Variants in FOXP1 observed in about 807,000 individuals in gnomAD.
The protein encoded by FOXP1 is forkhead box protein P1.
FOXP1 carries 15 observed loss-of-function variants against 98.2 expected under a neutral mutation model. The observed-to-expected ratio is 0.15, with a 90% confidence interval of 0.10 to 0.24. FOXP1 has a LOEUF of 0.24. Ranked by LOEUF, FOXP1 falls within the 10% of genes least tolerant of loss-of-function variation. The pLI is 1.00. For missense variants in FOXP1, 633 were observed against 848.5 expected (o/e 0.75, Z 3.15); for synonymous variants, 371 against 314.5 (o/e 1.18, Z -1.90).
rs538830140 is a variant in FOXP1 at position 71,422,622 on chromosome 3, A to C, written c.-167-63378T>G. ...TTCAAATGAATCTGAAGTGTGGGGA[A>C]ATAATCGAAAAGAAAGCCAAAAAGA... is the stretch of plus-strand genomic sequence containing the variant. On this transcript the variant is annotated intron_variant, in intron 3 of 20. Coordinates refer to ENST00000649528, the MANE Select transcript of FOXP1 (RefSeq NM_001349338.3). 2.0e-5 allele frequency among the ~76,000 whole-genome samples: 3 copies of C among 152,350 alleles called. No individual in the cohort carries two copies. The South Asian group carries it at 6.2e-4, about 32-fold the overall frequency.
rs1436721956 is a variant in FOXP1 at position 71,115,005 on chromosome 3, T to A, written c.181-2368A>T. 2.0e-5 allele frequency among the ~76,000 whole-genome samples: 3 copies of A among 152,224 alleles called. No individual in the cohort carries two copies. In the South Asian group the frequency reaches 6.2e-4, roughly 32 times the overall value. ...CCTACTATATATGTTCCCTTAGCTA[T>A]TGCACATGAAGGTTTTATGGCTTTT... On this transcript the variant is annotated intron_variant, in intron 6 of 20. Transcript: ENST00000649528.
chr3:70,977,036 G>A lies in FOXP1; in HGVS notation c.1435C>T (p.Leu479Phe). Residue 479 changes from leucine (L) to phenylalanine (F), a missense_variant, in exon 17 of 21, where the codon CTC (leucine) becomes TTC (phenylalanine). Coordinates refer to ENST00000649528, the MANE Select transcript of FOXP1 (RefSeq NM_001349338.3). The part of the protein sequence containing the change: ...TYASLIRQAI[L>F]ESPEKQLTLN... ...GTTAGCTGCTTTTCTGGAGATTCGA[G>A]AATGGCCTGTGAAGCAGAATGTAAC... 6.2e-7 allele frequency: 1 copy of A among 1,610,138 alleles called. No individual in the cohort carries two copies.
chr3:70,961,451 G>T (rs1274182208), intron 20 of FOXP1, among the ~76,000 whole-genome samples: 1 of 151,212 alleles, frequency 6.6e-6, no homozygotes, highest in Admixed American at 6.6e-5. Flanking sequence ...GGCTGGTCTT[G>T]AACTCCTGAC....
chr3:71,249,002 G>A (rs888672775), intron 5 of FOXP1, among the ~76,000 whole-genome samples: 1 of 152,158 alleles, frequency 6.6e-6, no homozygotes, highest in African/African-American at 2.4e-5. Context: ...AAACTTCCCA[G>A]CCCCAGCACT....
chr3:71,117,546 A>G (rs2058461472), intron 6 of FOXP1, among the ~76,000 whole-genome samples: 1 of 152,146 alleles, frequency 6.6e-6, no homozygotes, highest in African/African-American at 2.4e-5. Context: ...GTTTGTGTGT[A>G]TGGGAGAGGG....
At chr3:71,480,966 G>A (rs2090226374) in intron 3 of FOXP1, among the ~76,000 whole-genome samples, 1 of 152,192 alleles carries the variant, frequency 6.6e-6, no homozygotes, top group Non-Finnish European at 1.5e-5. Flanking sequence ...CAAGGTATAA[G>A]GAAGGGCAGG....
intron 5 of FOXP1, among the ~76,000 whole-genome samples, chr3:71,252,714 T>C (rs144392381): frequency 6.6e-6 from 1 of 152,150 alleles, no homozygotes; most frequent in Non-Finnish European, 1.5e-5. Context: ...CAGAAGTGGA[T>C]GGAAGTGAAA....
chr3:71,243,189 T>C (rs1385279623), intron 5 of FOXP1, among the ~76,000 whole-genome samples: 2 of 152,360 alleles, frequency 1.3e-5, no homozygotes, highest in Admixed American at 1.3e-4. Flanking sequence ...CTCGATCCTG[T>C]TTGGACTCAG....
rs188203704 is a variant in FOXP1, at chr3:71,101,839, C to T, written c.282+10697G>A. Among the ~76,000 whole-genome samples the T allele has an allele frequency of 1.5e-4, 23 of 152,214 alleles. No homozygotes were observed. In the East Asian group the frequency reaches 3.1e-3, roughly 21 times the overall value. On this transcript the variant is annotated intron_variant, in intron 7 of 20. Transcript: ENST00000649528. ...TAAACTCCACATTTACCATGAACAC[C>T]GCTAAACGTTGAGCTCTGTCTGCTT...
At chr3:70,967,837 A>G (rs1207112038) in intron 19 of FOXP1, among the ~76,000 whole-genome samples, 1 of 151,342 alleles carries the variant, frequency 6.6e-6, no homozygotes, top group Non-Finnish European at 1.5e-5. Flanking sequence ...TGGAAATACC[A>G]TAAGATAAGC....
chr3:71,579,996 C>T (rs1298110848), intron 2 of FOXP1, among the ~76,000 whole-genome samples: 2 of 152,078 alleles, frequency 1.3e-5, no homozygotes, highest in Non-Finnish European at 2.9e-5. Flanking sequence ...TTAGCATCTG[C>T]AATGGTCCAT....
At chr3:71,278,462 C>A (rs183587528) in intron 5 of FOXP1, among the ~76,000 whole-genome samples, 24 of 152,244 alleles carry the variant, frequency 1.6e-4, no homozygotes, top group Non-Finnish European at 2.8e-4. Flanking sequence ...TTAAAACGGC[C>A]GGTCTCAGGA....
chr3:71,239,078 G>C (rs1297328007), intron 5 of FOXP1, among the ~76,000 whole-genome samples: 1 of 152,166 alleles, frequency 6.6e-6, no homozygotes, highest in Non-Finnish European at 1.5e-5. Flanking sequence ...TATGCTCTCT[G>C]TTTTCCCACC....
intron 14 of FOXP1, among the ~76,000 whole-genome samples, chr3:70,982,694 CT>C (rs1194761336): frequency 1.5e-3 from 219 of 144,236 alleles, no homozygotes; most frequent in Middle Eastern, 3.6e-3. Flanking sequence ...TGCTTAGTCC[CT>C]TTTTTTTTTT....
At chr3:71,308,425 T>C (rs1445018941) in intron 4 of FOXP1, among the ~76,000 whole-genome samples, 4 of 152,236 alleles carry the variant, frequency 2.6e-5, no homozygotes, top group Admixed American at 6.5e-5. Flanking sequence ...GATTATCTTC[T>C]TATAATGTTG....
At chr3:71,185,814 A>G (rs1260233315) in intron 6 of FOXP1, among the ~76,000 whole-genome samples, 1 of 152,186 alleles carries the variant, frequency 6.6e-6, no homozygotes, top group Non-Finnish European at 1.5e-5. Context: ...CTTACCATCC[A>G]TTATCTCCTG....
chr3:71,057,291 CTTTTTTTTTTTTTTTTTTTTTTT>C (rs10670020), intron 7 of FOXP1, among the ~76,000 whole-genome samples: 16 of 7,492 alleles, frequency 2.1e-3, no homozygotes, highest in Admixed American at 6.1e-3. Flanking sequence ...AAAAACGAAA[CTTTTTTTTTTTTTTTTTTTTTTT>C]TTTTTTTTTT....
At position 71,041,539 on chromosome 3, in the gene FOXP1, C is replaced by A. The variant is rs773950156; in HGVS notation, c.665-7G>T. 4.5e-5 allele frequency: 72 copies of A among 1,613,056 alleles called. 1 individual carries two copies. Among genetic ancestry groups the A allele is most frequent in the Non-Finnish European group, 6.0e-5 (71 of 1,179,356 alleles). On this transcript the variant is annotated splice_region_variant and splice_polypyrimidine_tract_variant and intron_variant, in intron 10 of 20. Transcript: ENST00000649528. ...AGTTCTGTTGGAATCATGCCTGAAA[C>A]AAACAAATTGGATAATTAAATCAAT... is the stretch of plus-strand genomic sequence containing the variant.
intron 6 of FOXP1, among the ~76,000 whole-genome samples, chr3:71,174,850 A>G (rs2061849528): frequency 6.6e-6 from 1 of 150,834 alleles, no homozygotes; most frequent in Non-Finnish European, 1.5e-5. Flanking sequence ...CAGGGTAGGA[A>G]GAGAAGGGTA....
Sources: gnomAD v4.1 joint callset for allele counts (sites outside exome capture counted in the v4.1 genomes callset) on GRCh38, gnomAD v4.1.1 for gene constraint, MANE v1.5 for transcripts, NCBI Gene and HGNC (gene_info 2026-07-23, HGNC 2026-07-21) for gene names.